Variants in ACOT9 observed in about 807,000 individuals in gnomAD.
ACOT9 encodes the protein acyl-CoA thioesterase 9, also known as acyl-coenzyme A thioesterase 9, mitochondrial.
In ACOT9, 34 loss-of-function variants were observed where a neutral mutation model predicts 39.7. That is an observed-to-expected ratio of 0.86 (90% CI 0.65 to 1.14). The LOEUF (loss-of-function observed/expected upper bound fraction) is 1.14. Among genes scored for constraint, ACOT9 ranks in the 50% most tolerant of loss-of-function variants. ACOT9 has a pLI of 0.00. For missense variants in ACOT9, 313 were observed against 344.1 expected, an observed-to-expected ratio of 0.91 and a Z score of 0.71; for synonymous variants, 110 against 120.5, an observed-to-expected ratio of 0.91 and a Z score of 0.57.
At chrX:23,718,427 G>A (rs1414179785) in intron 8 of ACOT9, among the ~76,000 whole-genome samples, 1 of 112,022 alleles carries the variant, frequency 8.9e-6, no homozygotes, top group Non-Finnish European at 1.9e-5. Flanking sequence ...TAAAACAAAA[G>A]TGTTTACTTG....
At chrX:23,729,073 C>T (rs1272897177) in intron 6 of ACOT9, among the ~76,000 whole-genome samples, 1 of 110,701 alleles carries the variant, frequency 9.0e-6, no homozygotes, top group Admixed American at 9.7e-5. Flanking sequence ...ACCTGCCACC[C>T]CCCCCCACAT....
intron 4 of ACOT9, among the ~76,000 whole-genome samples, chrX:23,731,310 T>C (rs971048926): frequency 2.7e-5 from 3 of 110,829 alleles, no homozygotes; most frequent in African/African-American, 9.8e-5. Flanking sequence ...ACTCCGTCTC[T>C]ACTAAAAATA....
chrX:23,733,928 A>C (rs1447605395), intron 3 of ACOT9, among the ~76,000 whole-genome samples: 1 of 111,440 alleles, frequency 9.0e-6, no homozygotes, highest in Non-Finnish European at 1.9e-5. Flanking sequence ...TGCCCTGCTA[A>C]TTTTGTATTT....
chrX:23,733,726 T>C (rs1387711603), intron 3 of ACOT9, among the ~76,000 whole-genome samples: 6 of 105,881 alleles, frequency 5.7e-5, no homozygotes, highest in Non-Finnish European at 1.2e-4. Flanking sequence ...TTACAGGCGC[T>C]GTGCCACCAC....
intron 8 of ACOT9, among the ~76,000 whole-genome samples, chrX:23,717,218 G>T (rs1929114296): frequency 9.1e-6 from 1 of 109,773 alleles, no homozygotes; most frequent in South Asian, 3.9e-4. Context: ...TTGAACTCCT[G>T]AGCTCAGGAG....
In ACOT9 at chrX:23,702,863, T is replaced by C. The variant is rs956399618; in HGVS notation, c.*1031A>G. On this transcript the variant is annotated 3_prime_UTR_variant, in exon 16 of 16. Transcript: ENST00000379303. ...CCTGCCAAGGGCTGAGGATGGTGCC[T>C]ATCTAGCACATGGCAATGCTCCATA... 1 of 112,192 alleles carries C rather than the reference T, an allele frequency of 8.9e-6. No individual in the cohort carries two copies. Among genetic ancestry groups the C allele is most frequent in the Admixed American group, 9.5e-5 (1 of 10,500 alleles). 9.2% of individuals were successfully genotyped at this position (112,192 alleles called of 1,213,427 possible).
intron 1 of ACOT9, among the ~76,000 whole-genome samples, chrX:23,740,829 T>C (rs1219190709): frequency 9.2e-6 from 1 of 109,061 alleles, no homozygotes; most frequent in African/African-American, 3.3e-5. Context: ...TACCTCAGGG[T>C]TACTGGCTTA....
intron 12 of ACOT9, 25 bp downstream of exon 12, chrX:23,705,743 C>G (rs779480168): frequency 8.5e-7 from 1 of 1,176,933 alleles, no homozygotes; most frequent in African/African-American, 1.7e-5. Context: ...CTATCCTATT[C>G]GGATTTCTCA....
chrX:23,729,349 G>A (rs781448230), intron 6 of ACOT9, among the ~76,000 whole-genome samples: 1 of 111,553 alleles, frequency 9.0e-6, no homozygotes, highest in South Asian at 3.8e-4. Context: ...TCAAAGTCAC[G>A]AAAGTCAAAG....
rs1928554058 is a variant in ACOT9, at chrX:23,703,539, TG to T, written c.*354del. On this transcript the variant is annotated 3_prime_UTR_variant, in exon 16 of 16. Coordinates refer to ENST00000379303, the MANE Select transcript of ACOT9 (RefSeq NM_001037171.2). Reference sequence around the variant, plus strand: ...TTCACCATGTTGGCCAGGATGGTCTTGATCTCCTGACTTCATGATCCGCCCG... The same window carrying T: ...TTCACCATGTTGGCCAGGATGGTCTTATCTCCTGACTTCATGATCCGCCCG... 1 of 133,562 alleles carries T rather than the reference TG, an allele frequency of 7.5e-6. No individual in the cohort carries two copies. Among genetic ancestry groups the T allele is most frequent in the Admixed American group, 8.5e-5 (1 of 11,725 alleles). 11.0% of individuals were successfully genotyped at this position (133,562 alleles called of 1,213,427 possible). A position where few individuals can be genotyped will look rare whatever the true frequency, so the allele number is the denominator to read the frequency against.
chrX:23,738,477 C>T (rs980413801), intron 1 of ACOT9, among the ~76,000 whole-genome samples: 2 of 109,499 alleles, frequency 1.8e-5, no homozygotes, highest in African/African-American at 6.7e-5. Context: ...GGCATGGTGG[C>T]GCACACCTGT....
chrX:23,734,693 A>C (rs906747951), intron 2 of ACOT9, among the ~76,000 whole-genome samples: 44 of 111,584 alleles, frequency 3.9e-4, no homozygotes, highest in African/African-American at 1.3e-3. Flanking sequence ...ACCATTAGTA[A>C]CTTAGTCTTA....
Position 23,702,233 on chromosome X carries a change from A to T in ACOT9, c.*1661T>A, listed in dbSNP as rs1928506278. 1 of 106,372 alleles carries T rather than the reference A, an allele frequency of 9.4e-6. No homozygotes were observed. The highest frequency in any genetic ancestry group is 1.9e-5 in the Non-Finnish European group (1 of 51,819). 8.8% of individuals were successfully genotyped at this position (106,372 alleles called of 1,213,427 possible). A position where few individuals can be genotyped will look rare whatever the true frequency, so the allele number is the denominator to read the frequency against. On this transcript the variant is annotated 3_prime_UTR_variant, in exon 16 of 16. Transcript: ENST00000379303. ...TAAGTTACCTTCCTGTCAAAAAAGG[A>T]ACGGTCTTGGCTACAGATTTTTTTT... is the stretch of plus-strand genomic sequence containing the variant.
intron 1 of ACOT9, among the ~76,000 whole-genome samples, chrX:23,742,250 G>C (rs5925899): frequency 1.7e-5 from 1 of 59,774 alleles, no homozygotes; most frequent in Non-Finnish European, 2.9e-5. Flanking sequence ...GAGAGAGAGA[G>C]AGAGAGATAT....
chrX:23,739,660 T>C (rs1930066212), intron 1 of ACOT9, among the ~76,000 whole-genome samples: 1 of 110,899 alleles, frequency 9.0e-6, no homozygotes, highest in Non-Finnish European at 1.9e-5. Flanking sequence ...TCAGGCGTAG[T>C]GGTGCACACT....
At chrX:23,717,477 G>C (rs1037077095) in intron 8 of ACOT9, among the ~76,000 whole-genome samples, 5 of 111,684 alleles carry the variant, frequency 4.5e-5, no homozygotes, top group African/African-American at 1.3e-4. Context: ...ACTCACACAA[G>C]AGGCAGTGAG....
At chrX:23,734,018 C>T (rs754304427) in intron 3 of ACOT9, among the ~76,000 whole-genome samples, 2 of 111,947 alleles carry the variant, frequency 1.8e-5, no homozygotes, top group African/African-American at 6.5e-5. Flanking sequence ...GCCTCGGCCT[C>T]CCAAAGTGCT....
chrX:23,742,577 G>A (rs1257210297), intron 1 of ACOT9, among the ~76,000 whole-genome samples: 1 of 111,113 alleles, frequency 9.0e-6, no homozygotes. Flanking sequence ...AGGGCTTTGC[G>A]GCTCATTAAA....
intron 3 of ACOT9, 115 bp from the exon 4 acceptor site, chrX:23,733,332 C>A: frequency 1.6e-6 from 1 of 619,078 alleles, no homozygotes; most frequent in Non-Finnish European, 2.5e-6. Context: ...ATTTAAAGAT[C>A]CATAGATTTC....
Sources: allele counts gnomAD v4.1 joint callset (sites outside exome capture counted in the v4.1 genomes callset), GRCh38; gene constraint gnomAD v4.1.1; transcripts MANE v1.5; gene names NCBI Gene and HGNC (gene_info 2026-07-23, HGNC 2026-07-21).